TRA2B: variants seen among roughly 807,000 people sequenced by gnomAD.
TRA2B encodes the protein transformer 2 beta homolog, also known as transformer-2 protein homolog beta.
A neutral mutation model predicts 41.7 loss-of-function variants in TRA2B; 14 were observed. That is an observed-to-expected ratio of 0.34 (90% CI 0.22 to 0.53). TRA2B has a LOEUF of 0.53. TRA2B is among the 20% of genes least tolerant of loss of function. The pLI, the probability that TRA2B is intolerant of heterozygous loss-of-function variation, is 0.95. For synonymous variants in TRA2B, 130 were observed against 128.8 expected, an observed-to-expected ratio of 1.01 and a Z score of -0.06; for missense variants, 167 against 396.8, an observed-to-expected ratio of 0.42 and a Z score of 4.92.
Position 185,917,574 on chromosome 3 carries a change from A to C in TRA2B, c.*141T>G. The stretch of plus-strand genomic sequence containing the variant: ...AGAATGAAAACAGCATTTCAACTCC[A>C]CCAAAAGTAGTCATCGTAAAAGGTG... On this transcript the variant is annotated 3_prime_UTR_variant, in exon 9 of 9. Coordinates refer to ENST00000453386, the MANE Select transcript of TRA2B (RefSeq NM_004593.3). 1 of 753,882 alleles carries C rather than the reference A, an allele frequency of 1.3e-6. No individual in the cohort carries two copies. Among genetic ancestry groups the C allele is most frequent in the Non-Finnish European group, 2.1e-6 (1 of 467,632 alleles). 46.7% of individuals were successfully genotyped at this position (753,882 alleles called of 1,614,324 possible). A position where few individuals can be genotyped will look rare whatever the true frequency, so the allele number is the denominator to read the frequency against.
chr3:185,920,306 T>G (rs1460545096), intron 6 of TRA2B, among the ~76,000 whole-genome samples: 1 of 152,230 alleles, frequency 6.6e-6, no homozygotes, highest in Non-Finnish European at 1.5e-5. Flanking sequence ...TGAAATTTGC[T>G]TTTATAAGCC....
intron 1 of TRA2B, chr3:185,931,814 C>A: frequency 6.6e-7 from 1 of 1,510,072 alleles, no homozygotes; most frequent in South Asian, 1.3e-5. Flanking sequence ...TAAAACTTGT[C>A]AAATGACGAC....
intron 7 of TRA2B, among the ~76,000 whole-genome samples, 182 bp downstream of exon 7, chr3:185,919,255 C>T (rs1743623381): frequency 6.6e-6 from 1 of 152,118 alleles, no homozygotes; most frequent in Non-Finnish European, 1.5e-5. Context: ...ATTGCAAAAC[C>T]AATTAATTTT....
Position 185,937,899 on chromosome 3 carries a change from G to C in TRA2B, c.-39C>G, listed in dbSNP as rs766072451. 5.6e-6 allele frequency: 9 copies of C among 1,612,862 alleles called. No homozygotes were observed. The highest frequency in any genetic ancestry group is 7.6e-6 in the Non-Finnish European group (9 of 1,179,830). On this transcript the variant is annotated 5_prime_UTR_variant, in exon 1 of 9. Coordinates refer to ENST00000453386, the MANE Select transcript of TRA2B (RefSeq NM_004593.3). Reference sequence around the variant, plus strand: ...TGTCGCCGGTCGATGTGCTTCAATCGAAGCTGCCAACCTCTTGCACCTTCC... The same window carrying C: ...TGTCGCCGGTCGATGTGCTTCAATCCAAGCTGCCAACCTCTTGCACCTTCC...
chr3:185,926,279 A>C (rs751542114), intron 2 of TRA2B, among the ~76,000 whole-genome samples: 2 of 152,220 alleles, frequency 1.3e-5, no homozygotes, highest in East Asian at 1.9e-4. Flanking sequence ...TATTTGCCAT[A>C]CTAGTAAGCA....
intron 1 of TRA2B, among the ~76,000 whole-genome samples, chr3:185,930,972 G>C (rs1449693937): frequency 6.6e-6 from 1 of 152,096 alleles, no homozygotes; most frequent in African/African-American, 2.4e-5. Context: ...AACAGAAACA[G>C]AATTTGAAAA....
intron 1 of TRA2B, chr3:185,937,538 G>A (rs1358577255): frequency 2.0e-6 from 2 of 1,009,386 alleles, no homozygotes; most frequent in African/African-American, 1.7e-5. Flanking sequence ...AACACCGCGG[G>A]GACGCAGCGG....
chr3:185,934,829 T>C (rs1344620856), intron 1 of TRA2B: 2 of 985,342 alleles, frequency 2.0e-6, no homozygotes, highest in Non-Finnish European at 2.4e-6. Flanking sequence ...TCTCTAATGA[T>C]AAAGATTACG....
chr3:185,934,858 A>G, intron 1 of TRA2B: 3 of 985,456 alleles, frequency 3.0e-6, no homozygotes, highest in Non-Finnish European at 3.6e-6. Context: ...TTGCAATCAC[A>G]TCGGCTTTAC....
chr3:185,923,748 C>A, intron 4 of TRA2B, 48 bp downstream of exon 4: 1 of 1,506,004 alleles, frequency 6.6e-7, no homozygotes, highest in Non-Finnish European at 8.9e-7. Flanking sequence ...GATAACTTGG[C>A]GTTAACAATA....
At chr3:185,921,759 G>A (rs1244109940) in intron 5 of TRA2B, among the ~76,000 whole-genome samples, 1 of 152,076 alleles carries the variant, frequency 6.6e-6, no homozygotes, top group Non-Finnish European at 1.5e-5. Context: ...GCAAGACTCC[G>A]TCTCAAAACA....
At chr3:185,924,224 G>A (rs947506772) in intron 3 of TRA2B, 2 of 342,228 alleles carry the variant, frequency 5.8e-6, no homozygotes, top group South Asian at 8.7e-5. Context: ...ACAAGCACTC[G>A]TGCTGGCGAA....
chr3:185,918,951 G>A (rs899908185), intron 7 of TRA2B, among the ~76,000 whole-genome samples: 7 of 152,130 alleles, frequency 4.6e-5, no homozygotes. Context: ...TCCAGCCTAG[G>A]CAACAGAGCA....
chr3:185,935,604 A>G (rs1744319351), intron 1 of TRA2B: 10 of 985,366 alleles, frequency 1.0e-5, no homozygotes, highest in Non-Finnish European at 1.2e-5. Flanking sequence ...GAGATTAGTG[A>G]TTTACATTAA....
At chr3:185,929,989 G>GCCGGCCTCCTCCTCATCTTCCCTATGGC (rs1744089295) in intron 1 of TRA2B, among the ~76,000 whole-genome samples, 1 of 152,110 alleles carries the variant, frequency 6.6e-6, no homozygotes, top group Non-Finnish European at 1.5e-5. Context: ...AGGAACAGAA[G>GCCGGCCTCCTCCTCATCTTCCCTATGGC]CCGGCCTCCT....
chr3:185,929,871 G>T (rs747149410), intron 1 of TRA2B, among the ~76,000 whole-genome samples: 17 of 151,720 alleles, frequency 1.1e-4, no homozygotes, highest in South Asian at 1.0e-3. Flanking sequence ...TTTTTCCCTT[G>T]GCAAAGGTTA....
At chr3:185,937,625 T>G (rs969791381) in intron 1 of TRA2B, among the ~76,000 whole-genome samples, 200 bp downstream of exon 1, 4 of 152,122 alleles carry the variant, frequency 2.6e-5, no homozygotes, top group African/African-American at 9.7e-5. Context: ...GCCGGGGGCC[T>G]CCCTCCTTCA....
At chr3:185,937,778 C>A (rs759821314) in intron 1 of TRA2B, 47 bp downstream of exon 1, 4 of 1,613,134 alleles carry the variant, frequency 2.5e-6, no homozygotes, top group Non-Finnish European at 3.4e-6. Context: ...GAAAAAGATG[C>A]AAGGAGCTAG....
chr3:185,935,705 C>T (rs1423345270), intron 1 of TRA2B: 28 of 985,334 alleles, frequency 2.8e-5, no homozygotes, highest in Non-Finnish European at 3.1e-5. Flanking sequence ...TAAGATCAAG[C>T]TGTTCCATTG....
Sources: gnomAD v4.1 joint callset for allele counts (sites outside exome capture counted in the v4.1 genomes callset) on GRCh38, gnomAD v4.1.1 for gene constraint, MANE v1.5 for transcripts, NCBI Gene and HGNC (gene_info 2026-07-23, HGNC 2026-07-21) for gene names.